The following PLEKHG6 variants were observed in gnomAD, a reference collection of about 807,000 sequenced individuals.
PLEKHG6 encodes the protein pleckstrin homology and RhoGEF domain containing G6, also known as pleckstrin homology domain-containing family G member 6.
In PLEKHG6, 91 loss-of-function variants were observed where a neutral mutation model predicts 97.5. That is an observed-to-expected ratio of 0.93 (90% CI 0.79 to 1.11). The LOEUF (loss-of-function observed/expected upper bound fraction) is 1.11, where lower values mean the gene tolerates loss of function less well. Ranked by LOEUF, PLEKHG6 falls within the 50% of genes most tolerant of loss-of-function variation. The probability of loss-of-function intolerance (pLI) is 0.00; values close to 1 mark genes in which losing one functional copy is unlikely to be tolerated. For missense variants in PLEKHG6, 1,044 were observed against 1,031.0 expected (o/e 1.01, Z -0.17); for synonymous variants, 466 against 425.5 (o/e 1.10, Z -1.17).
intron 2 of PLEKHG6, 59 bp downstream of exon 2, chr12:6,312,423 C>T (rs1337707731): frequency 1.3e-6 from 2 of 1,499,874 alleles, no homozygotes; most frequent in African/African-American, 2.9e-5. Context: ...GACACCTAGG[C>T]TGTGGAGTCT....
intron 13 of PLEKHG6, 187 bp downstream of exon 13, chr12:6,319,295 A>G (rs1947615900): frequency 1.6e-6 from 1 of 612,602 alleles, no homozygotes; most frequent in African/African-American, 1.9e-5. Context: ...TAAAAATACA[A>G]AAATTAGCCG....
At chr12:6,312,960 A>T in intron 2 of PLEKHG6, 1 of 1,426,104 alleles carries the variant, frequency 7.0e-7, no homozygotes, top group Non-Finnish European at 9.2e-7. Context: ...CCCTGCCTCA[A>T]TGCACGATAA....
In PLEKHG6 at chr12:6,312,148, C is replaced by A; in HGVS notation, c.-68-11C>A. On this transcript the variant is annotated splice_polypyrimidine_tract_variant and intron_variant, in intron 1 of 15. Coordinates refer to ENST00000684764, the MANE Select transcript of PLEKHG6 (RefSeq NM_001384598.1). ...GGGATGGCCCTTCCATTCCTCTTTT[C>A]TCTCTTGCAGCCCTAGGGGACCTCT... 1 of 1,272,570 alleles carries A rather than the reference C, an allele frequency of 7.9e-7. No homozygotes were observed. Among genetic ancestry groups the A allele is most frequent in the Non-Finnish European group, 1.0e-6 (1 of 959,848 alleles). 78.8% of individuals were successfully genotyped at this position (1,272,570 alleles called of 1,614,324 possible). A position where few individuals can be genotyped will look rare whatever the true frequency, so the allele number is the denominator to read the frequency against.
chr12:6,326,435 T>C lies in PLEKHG6; in HGVS notation c.1532T>C (p.Leu511Pro), dbSNP rs1947858109. 3 of 1,613,752 alleles carry C rather than the reference T, an allele frequency of 1.9e-6. No individual in the cohort carries two copies. The East Asian group carries it at 6.7e-5, about 36-fold the overall frequency. Residue 511 changes from leucine to proline, a missense_variant, in exon 14 of 16, where the codon CTA becomes CCA. Coordinates refer to ENST00000684764, the MANE Select transcript of PLEKHG6 (RefSeq NM_001384598.1). ...LEKTQQAQAALQKLKAEEYVQ... is the reference protein window; with the variant it reads ...LEKTQQAQAAPQKLKAEEYVQ... ...GAAAGTGTCCTGTCCCAGGCCGCCC[T>C]ACAGAAGCTGAAGGCAGAGGAGTAT... is the stretch of plus-strand genomic sequence containing the variant.
intron 3 of PLEKHG6, among the ~76,000 whole-genome samples, chr12:6,314,396 A>G (rs958801793): frequency 3.9e-5 from 6 of 152,146 alleles, no homozygotes; most frequent in African/African-American, 1.4e-4. Flanking sequence ...AGTCCCAGCT[A>G]TTAAGGAGGC....
chr12:6,317,882 G>C lies in PLEKHG6; in HGVS notation c.1043G>C (p.Arg348Pro), dbSNP rs1463070496. 2.3e-5 allele frequency: 36 copies of C among 1,555,874 alleles called. No individual in the cohort carries two copies. Among genetic ancestry groups the C allele is most frequent in the Non-Finnish European group, 2.8e-5 (32 of 1,149,180 alleles). Residue 348 changes from arginine to proline, a missense_variant, in exon 10 of 16, where the codon CGA (arginine) becomes CCA (proline). Transcript: ENST00000684764. Reference sequence around the variant, plus strand: ...ATTGAAGCCGTGGAGTCATTCCTGCGACACATCAATGGGCAGGTCCGCCAG... The same window carrying C: ...ATTGAAGCCGTGGAGTCATTCCTGCCACACATCAATGGGCAGGTCCGCCAG... Reference protein sequence around the residue: ...AMIEAVESFLRHINGQVRQGE... With the variant: ...AMIEAVESFLPHINGQVRQGE...
intron 13 of PLEKHG6, among the ~76,000 whole-genome samples, chr12:6,323,371 T>C (rs1438625298): frequency 4.6e-5 from 7 of 152,240 alleles, no homozygotes; most frequent in Non-Finnish European, 1.0e-4. Context: ...TCAGTCTTTA[T>C]ACACTGAAGA....
Position 6,327,921 on chromosome 12 carries a change from C to T in PLEKHG6, c.2338C>T (p.Gln780Ter). 2 of 1,482,244 alleles carry T rather than the reference C, an allele frequency of 1.3e-6. No individual in the cohort carries two copies. The highest frequency in any genetic ancestry group is 2.0e-4 in the Middle Eastern group (1 of 4,884). The allele number at this position is 1,482,244 out of a possible 1,614,324, so 91.8% of individuals were successfully genotyped here. A position where few individuals can be genotyped will look rare whatever the true frequency, so the allele number is the denominator to read the frequency against. The change falls in exon 15 of 16, where the codon CAG becomes TAG. Residue 780 changes from glutamine to a stop codon, truncating the protein, a stop_gained. Coordinates refer to ENST00000684764, the MANE Select transcript of PLEKHG6 (RefSeq NM_001384598.1). LOFTEE classifies it high-confidence loss of function. Reference protein sequence around the residue: ...LQRMRGPHIIQLDTPLSASEV With the variant: ...LQRMRGPHII ...GAGGATGCGGGGGCCCCACATCATTCAGCTGGACACCCCTCTGTCCGCATC... is the reference window on the plus strand; with the variant it reads ...GAGGATGCGGGGGCCCCACATCATTTAGCTGGACACCCCTCTGTCCGCATC...
chr12:6,313,223 T>A (rs1405643131), intron 2 of PLEKHG6: 3 of 1,535,920 alleles, frequency 2.0e-6, no homozygotes, highest in Non-Finnish European at 2.6e-6. Context: ...GGGAGGCTGG[T>A]CATAGACAAG....
chr12:6,326,088 C>T (rs1947846717), intron 13 of PLEKHG6, among the ~76,000 whole-genome samples: 1 of 152,064 alleles, frequency 6.6e-6, no homozygotes, highest in African/African-American at 2.4e-5. Context: ...GGGTGGATCA[C>T]AAGGTCAGGA....
chr12:6,318,454 G>A, intron 11 of PLEKHG6, 34 bp downstream of exon 11: 1 of 1,569,976 alleles, frequency 6.4e-7, no homozygotes, highest in South Asian at 1.2e-5. Flanking sequence ...GAGGGGATGG[G>A]GCACGGTGGG....
intron 2 of PLEKHG6, chr12:6,312,935 T>A (rs1373552529): frequency 1.4e-6 from 2 of 1,407,922 alleles, no homozygotes; most frequent in African/African-American, 1.4e-5. Flanking sequence ...CAGTTCTGCT[T>A]GTGGCTGGGA....
At chr12:6,313,098 G>C (rs764001698) in intron 2 of PLEKHG6, 1 of 1,535,106 alleles carries the variant, frequency 6.5e-7, no homozygotes, top group Non-Finnish European at 8.8e-7. Flanking sequence ...GAGCTGTGTG[G>C]CTGTGGCTTC....
chr12:6,317,831 C>T (rs767946453), intron 9 of PLEKHG6, 26 bp from the exon 10 acceptor site: 16 of 1,540,500 alleles, frequency 1.0e-5, no homozygotes, highest in South Asian at 3.6e-5. Flanking sequence ...AGCCGTCCCT[C>T]CTCCCACACC....
chr12:6,327,479 T>TGGGGGGC lies in PLEKHG6; in HGVS notation c.1896_1897insGGGGGGC (p.Pro633GlyfsTer39). On this transcript the variant is annotated frameshift_variant, in exon 15 of 16. Transcript: ENST00000684764. LOFTEE classifies it high-confidence loss of function. ...TGGAACTCCGGGACATCCCTCTGCG[T>TGGGGGGC]CCCCACCCTCCCGACCCCCAAGCTC... is the stretch of plus-strand genomic sequence containing the variant. 1 of 1,603,258 alleles carries TGGGGGGC rather than the reference T, an allele frequency of 6.2e-7. No homozygotes were observed. Among genetic ancestry groups the TGGGGGGC allele is most frequent in the Non-Finnish European group, 8.5e-7 (1 of 1,171,706 alleles).
Position 6,312,158 on chromosome 12 carries a change from G to A in PLEKHG6, c.-68-1G>A. ...TTCCATTCCTCTTTTCTCTCTTGCA[G>A]CCCTAGGGGACCTCTTTCTCCTGGA... On this transcript the variant is annotated splice_acceptor_variant, in intron 1 of 15. Transcript: ENST00000684764. LOFTEE classifies it low-confidence loss of function (5UTR_SPLICE). 2.2e-6 allele frequency: 3 copies of A among 1,343,994 alleles called. No individual in the cohort carries two copies. The highest frequency in any genetic ancestry group is 3.0e-6 in the Non-Finnish European group (3 of 1,016,000). 83.3% of individuals were successfully genotyped at this position (1,343,994 alleles called of 1,614,324 possible). A position where few individuals can be genotyped will look rare whatever the true frequency, so the allele number is the denominator to read the frequency against.
intron 13 of PLEKHG6, among the ~76,000 whole-genome samples, chr12:6,324,278 C>T (rs1326268113): frequency 1.1e-4 from 10 of 87,760 alleles, no homozygotes; most frequent in African/African-American, 1.8e-4. Context: ...ACTCGGGGCT[C>T]CCCCTCGCCC....
chr12:6,317,566 G>A lies in PLEKHG6; in HGVS notation c.887G>A (p.Arg296His), dbSNP rs541519666. Residue 296 changes from arginine (R) to histidine (H), a missense_variant, in exon 9 of 16, where the codon CGC becomes CAC. By Grantham distance (29) the Arg-to-His change is conservative. Coordinates refer to ENST00000684764, the MANE Select transcript of PLEKHG6 (RefSeq NM_001384598.1). ...AFVQWCEKHK[R>H]SGRQMLCDLL... ...CTGCAGTGGTGTGAGAAGCACAAGCGCTCTGGGAGGCAGATGCTCTGTGAC... is the reference window on the plus strand; with the variant it reads ...CTGCAGTGGTGTGAGAAGCACAAGCACTCTGGGAGGCAGATGCTCTGTGAC... 12 of 1,613,812 alleles carry A rather than the reference G, an allele frequency of 7.4e-6. No individual in the cohort carries two copies. The highest frequency in any genetic ancestry group is 4.4e-5 in the South Asian group (4 of 91,078).
At chr12:6,313,919 C>T (rs1947360234) in intron 3 of PLEKHG6, 135 bp downstream of exon 3, 1 of 736,946 alleles carries the variant, frequency 1.4e-6, no homozygotes, top group Non-Finnish European at 2.1e-6. Context: ...ATGGCTCTGC[C>T]TAGGACCTCT....
Sources: gnomAD v4.1 joint callset for allele counts (sites outside exome capture counted in the v4.1 genomes callset) on GRCh38, gnomAD v4.1.1 for gene constraint, MANE v1.5 for transcripts, NCBI Gene and HGNC (gene_info 2026-07-23, HGNC 2026-07-21) for gene names.